The following RP1 variants were observed in gnomAD, a reference collection of about 807,000 sequenced individuals.
RP1 encodes oxygen-regulated protein 1.
A neutral mutation model predicts 14.8 loss-of-function variants in RP1; 16 were observed. That is an observed-to-expected ratio of 1.08 (90% CI 0.73 to 1.65). The LOEUF (loss-of-function observed/expected upper bound fraction) is 1.65. RP1 is among the 40% of genes most tolerant of loss of function. The pLI, the probability that RP1 is intolerant of heterozygous loss-of-function variation, is 0.00. For missense variants in RP1, 2,631 were observed against 2,535.0 expected, an observed-to-expected ratio of 1.04 and a Z score of -0.81; for synonymous variants, 876 against 883.6, an observed-to-expected ratio of 0.99 and a Z score of 0.15.
chr8:54,691,683 A>G (rs913159411), intron 12 of RP1, among the ~76,000 whole-genome samples: 4 of 152,156 alleles, frequency 2.6e-5, no homozygotes, highest in African/African-American at 9.6e-5. Flanking sequence ...AAGAGCATGT[A>G]GGGGACAAGG....
In RP1 at chr8:54,738,918, T is replaced by C. The variant is rs567322064; in HGVS notation, c.2722-25T>C. ...CTTAATTTAAAAAATTCTGATAATT[T>C]TTTTCTCCTTTGCATTTCATTCAGG... On this transcript the variant is annotated intron_variant, in intron 18 of 22. Transcript: ENST00000636932. 7.2e-6 allele frequency: 10 copies of C among 1,384,430 alleles called. No individual in the cohort carries two copies. The African/African-American group carries it at 1.5e-4, about 20-fold the overall frequency. 85.8% of individuals were successfully genotyped at this position (1,384,430 alleles called of 1,614,324 possible).
chr8:54,661,925 C>T (rs1806908377), intron 6 of RP1, among the ~76,000 whole-genome samples: 1 of 151,870 alleles, frequency 6.6e-6, no homozygotes, highest in African/African-American at 2.4e-5. Flanking sequence ...GTTTATGATG[C>T]TTTTTTTCAG....
chr8:54,796,638 G>A (rs1356475747), intron 24 of RP1, among the ~76,000 whole-genome samples: 1 of 152,114 alleles, frequency 6.6e-6, no homozygotes, highest in Non-Finnish European at 1.5e-5. Flanking sequence ...GCCAAAGGAT[G>A]CCAAAGATTG....
At position 54,670,666 on chromosome 8, in the gene RP1, T is replaced by C. The variant is rs913566182; in HGVS notation, c.1324-3184T>C. ...CACATATATTTATGAATAATATATA[T>C]GTTTTTATATATATATATATATATA... On this transcript the variant is annotated intron_variant, in intron 7 of 22. Coordinates refer to the RP1 transcript ENST00000636932. 8.7e-5 allele frequency among the ~76,000 whole-genome samples: 5 copies of C among 57,638 alleles called. No individual in the cohort carries two copies. In the Admixed American group the frequency reaches 1.4e-3, roughly 16 times the overall value. The allele number at this position is 57,638 out of a possible 152,430, so 37.8% of individuals were successfully genotyped here.
intron 24 of RP1, among the ~76,000 whole-genome samples, chr8:54,804,918 A>T (rs959301975): frequency 4.6e-5 from 7 of 152,254 alleles, no homozygotes; most frequent in African/African-American, 1.4e-4. Flanking sequence ...CTAATAATGG[A>T]GACTATTTCC....
chr8:54,574,084 C>A (rs12681099), intron 1 of RP1, among the ~76,000 whole-genome samples: 30,587 of 152,070 alleles, frequency 0.2, 3,546 homozygotes, highest in East Asian at 0.36. Context: ...CATCATTAAT[C>A]TAAGCCAGGC....
At chr8:54,866,058 C>T (rs898380847) in intron 28 of RP1, 2 of 395,350 alleles carry the variant, frequency 5.1e-6, no homozygotes, top group Non-Finnish European at 8.9e-6. Flanking sequence ...CTTCTCTCCT[C>T]AAGAAGCTGT....
At chr8:54,575,489 G>T (rs1182856586) in intron 1 of RP1, among the ~76,000 whole-genome samples, 1 of 152,002 alleles carries the variant, frequency 6.6e-6, no homozygotes, top group African/African-American at 2.4e-5. Flanking sequence ...ATCACATCAT[G>T]GAGAATGGAA....
intron 1 of RP1, among the ~76,000 whole-genome samples, chr8:54,616,770 G>T (rs1437736060): frequency 6.6e-6 from 1 of 152,192 alleles, no homozygotes; most frequent in East Asian, 1.9e-4. Flanking sequence ...CTATGTGGTA[G>T]AAAATTAAAC....
chr8:54,575,727 G>T (rs1202085832), intron 1 of RP1, among the ~76,000 whole-genome samples: 2 of 152,088 alleles, frequency 1.3e-5, no homozygotes, highest in Non-Finnish European at 2.9e-5. Flanking sequence ...AGATTATTTT[G>T]TCACCCAGGT....
chr8:54,814,039 T>C (rs1414598269), intron 24 of RP1, among the ~76,000 whole-genome samples: 1 of 152,212 alleles, frequency 6.6e-6, no homozygotes, highest in Non-Finnish European at 1.5e-5. Flanking sequence ...ATGGCTCCAG[T>C]AAGGATTTAA....
chr8:54,779,238 T>C (rs1400284190), intron 23 of RP1, among the ~76,000 whole-genome samples: 3 of 152,234 alleles, frequency 2.0e-5, no homozygotes, highest in Non-Finnish European at 4.4e-5. Flanking sequence ...TCGCTTTCAC[T>C]GAATCTTCCT....
At chr8:54,655,257 G>A (rs1806731549) in intron 5 of RP1, among the ~76,000 whole-genome samples, 2 of 152,162 alleles carry the variant, frequency 1.3e-5, no homozygotes, top group Admixed American at 1.3e-4. Flanking sequence ...ACACTGGCAT[G>A]CTTATTCACT....
chr8:54,603,788 C>G (rs1805354822), intron 1 of RP1, among the ~76,000 whole-genome samples: 1 of 152,100 alleles, frequency 6.6e-6, no homozygotes, highest in African/African-American at 2.4e-5. Flanking sequence ...GTATTTTATT[C>G]TCTTTGAAGC....
At chr8:54,755,977 TAATAGAACAAAG>T (rs1809496911) in intron 21 of RP1, among the ~76,000 whole-genome samples, 1 of 152,074 alleles carries the variant, frequency 6.6e-6, no homozygotes, top group Non-Finnish European at 1.5e-5. Context: ...CAACAGTATA[TAATAGAACAAAG>T]AAAAGATATT....
chr8:54,767,956 G>C (rs560068557), intron 22 of RP1, among the ~76,000 whole-genome samples: 1 of 152,270 alleles, frequency 6.6e-6, no homozygotes, highest in South Asian at 2.1e-4. Flanking sequence ...GTAGGACTGC[G>C]AGCTCACAGT....
intron 15 of RP1, among the ~76,000 whole-genome samples, chr8:54,709,546 T>G (rs949422000): frequency 3.9e-5 from 6 of 152,230 alleles, no homozygotes; most frequent in African/African-American, 1.4e-4. Context: ...TTATTCTGTT[T>G]GCTTTGGGGA....
chr8:54,671,755 C>A (rs985335169), intron 7 of RP1, among the ~76,000 whole-genome samples: 24 of 151,924 alleles, frequency 1.6e-4, no homozygotes, highest in African/African-American at 4.3e-4. Flanking sequence ...TCTCTGTATT[C>A]TTTTTCACTC....
intron 22 of RP1, among the ~76,000 whole-genome samples, chr8:54,765,093 C>T (rs1301184662): frequency 2.6e-5 from 4 of 152,238 alleles, no homozygotes; most frequent in Admixed American, 2.6e-4. Context: ...TGCAGCCTCA[C>T]ACACCAGCAG....
Sources: gnomAD v4.1 joint callset for allele counts (sites outside exome capture counted in the v4.1 genomes callset) on GRCh38, gnomAD v4.1.1 for gene constraint, MANE v1.5 for transcripts, NCBI Gene and HGNC (gene_info 2026-07-23, HGNC 2026-07-21) for gene names.